Variants in DACH1 observed in about 807,000 individuals in gnomAD.
DACH1 encodes dachshund family transcription factor 1.
In DACH1, 12 loss-of-function variants were observed where a neutral mutation model predicts 54.2. The observed-to-expected ratio is 0.22, with a 90% confidence interval of 0.14 to 0.36. The LOEUF (loss-of-function observed/expected upper bound fraction) is 0.36. Among genes scored for constraint, DACH1 ranks in the 10% least tolerant of loss-of-function variants. DACH1 has a pLI of 1.00. For synonymous variants in DACH1, 386 were observed against 366.2 expected, an observed-to-expected ratio of 1.05 and a Z score of -0.62; for missense variants, 805 against 929.8, an observed-to-expected ratio of 0.87 and a Z score of 1.75.
At chr13:71,480,377 G>T (rs1348874974) in intron 7 of DACH1, among the ~76,000 whole-genome samples, 1 of 152,048 alleles carries the variant, frequency 6.6e-6, no homozygotes, top group Non-Finnish European at 1.5e-5. Flanking sequence ...ACAACTAATG[G>T]TGAATATATA....
chr13:71,773,396 A>G (rs1885939116), intron 1 of DACH1, among the ~76,000 whole-genome samples: 1 of 151,946 alleles, frequency 6.6e-6, no homozygotes, highest in Non-Finnish European at 1.5e-5. Context: ...TAAGTTTTAT[A>G]TTGTCTTTAG....
chr13:71,713,648 C>T (rs1022626211), intron 1 of DACH1, among the ~76,000 whole-genome samples: 1 of 152,076 alleles, frequency 6.6e-6, no homozygotes, highest in Non-Finnish European at 1.5e-5. Context: ...GGTATGAAGA[C>T]ATAATTGATT....
intron 1 of DACH1, among the ~76,000 whole-genome samples, chr13:71,696,692 C>T (rs2138738285): frequency 6.6e-6 from 1 of 152,076 alleles, no homozygotes; most frequent in South Asian, 2.1e-4. Flanking sequence ...GGATTACAGG[C>T]ATGCACCACC....
chr13:71,447,569 C>G (rs997237946), intron 10 of DACH1, among the ~76,000 whole-genome samples: 3 of 152,082 alleles, frequency 2.0e-5, no homozygotes, highest in Non-Finnish European at 4.4e-5. Context: ...CGCAGTGGCT[C>G]ACACCCGTAA....
At chr13:71,657,225 G>A (rs1311707680) in intron 2 of DACH1, among the ~76,000 whole-genome samples, 2 of 151,658 alleles carry the variant, frequency 1.3e-5, no homozygotes, top group Admixed American at 6.6e-5. Flanking sequence ...CTCCTAGTAT[G>A]GTGCATTGTA....
intron 1 of DACH1, among the ~76,000 whole-genome samples, chr13:71,823,723 AC>A (rs771574179): frequency 8.5e-5 from 13 of 152,178 alleles, no homozygotes; most frequent in East Asian, 1.9e-4. Context: ...TTGAAAAAAA[AC>A]AAACCAAAAT....
At chr13:71,864,626 G>C (rs1015842220) in intron 1 of DACH1, among the ~76,000 whole-genome samples, 1 of 152,070 alleles carries the variant, frequency 6.6e-6, no homozygotes, top group African/African-American at 2.4e-5. Context: ...CTTTCTCCCG[G>C]AATCTCACTC....
intron 1 of DACH1, among the ~76,000 whole-genome samples, chr13:71,696,712 T>G (rs1374641284): frequency 6.6e-6 from 1 of 151,954 alleles, no homozygotes; most frequent in Non-Finnish European, 1.5e-5. Context: ...CACACCCGAC[T>G]AATTTTGTGT....
chr13:71,487,170 A>G (rs949032767), intron 7 of DACH1, among the ~76,000 whole-genome samples: 1 of 152,114 alleles, frequency 6.6e-6, no homozygotes, highest in Non-Finnish European at 1.5e-5. Context: ...TTTTTAATAA[A>G]GCATTCTTAT....
rs546461119 is a variant in DACH1, at chr13:71,582,103, A to T, written c.1127-9091T>A. On this transcript the variant is annotated intron_variant, in intron 3 of 10. Coordinates refer to ENST00000613252, the MANE Select transcript of DACH1 (RefSeq NM_080759.6). ...GAAAGAATAAAGGTATTGCTACCAA[A>T]AGTGTATTTCTACTATAAACCATAG... Among the ~76,000 whole-genome samples the T allele has an allele frequency of 1.2e-4, 18 of 152,292 alleles. No homozygotes were observed. The East Asian group carries it at 2.9e-3, about 24-fold the overall frequency.
At chr13:71,682,865 A>G (rs896664464) in intron 1 of DACH1, among the ~76,000 whole-genome samples, 1 of 152,178 alleles carries the variant, frequency 6.6e-6, no homozygotes, top group South Asian at 2.1e-4. Context: ...TAATATTACA[A>G]TTTTTGAAAA....
intron 10 of DACH1, among the ~76,000 whole-genome samples, chr13:71,445,068 TC>T (rs985156803): frequency 5.6e-4 from 85 of 152,122 alleles, no homozygotes; most frequent in African/African-American, 2.0e-3. Context: ...AAAGTGAGCC[TC>T]CCCCACGATA....
chr13:71,756,162 C>T (rs1885141624), intron 1 of DACH1, among the ~76,000 whole-genome samples: 1 of 152,022 alleles, frequency 6.6e-6, no homozygotes, highest in East Asian at 1.9e-4. Context: ...TCCCGAGTAC[C>T]TGGGACTACA....
chr13:71,649,402 A>G (rs1385514974), intron 2 of DACH1, among the ~76,000 whole-genome samples: 3 of 152,188 alleles, frequency 2.0e-5, no homozygotes, highest in Non-Finnish European at 4.4e-5. Flanking sequence ...ATTTGGATCT[A>G]CAGCTTACTA....
chr13:71,617,565 A>G (rs1370134596), intron 3 of DACH1, among the ~76,000 whole-genome samples: 1 of 152,204 alleles, frequency 6.6e-6, no homozygotes. Flanking sequence ...GGCTGAACAT[A>G]CTTTGAAATA....
intron 1 of DACH1, among the ~76,000 whole-genome samples, chr13:71,736,381 G>A (rs967394370): frequency 1.3e-5 from 2 of 152,048 alleles, no homozygotes; most frequent in African/African-American, 4.8e-5. Context: ...CAAAGGCCTT[G>A]AACATATGGG....
intron 1 of DACH1, among the ~76,000 whole-genome samples, chr13:71,693,233 A>G (rs1248077686): frequency 1.3e-5 from 2 of 151,720 alleles, no homozygotes; most frequent in African/African-American, 4.8e-5. Flanking sequence ...AAGTAAGTCC[A>G]CATACACACA....
intron 2 of DACH1, among the ~76,000 whole-genome samples, chr13:71,641,481 T>G (rs567376923): frequency 6.6e-6 from 1 of 152,224 alleles, no homozygotes; most frequent in Admixed American, 6.5e-5. Flanking sequence ...ACCTACAAGG[T>G]AAGTGTTTTC....
At chr13:71,665,755 T>A (rs1350157529) in intron 2 of DACH1, among the ~76,000 whole-genome samples, 1 of 152,112 alleles carries the variant, frequency 6.6e-6, no homozygotes, top group African/African-American at 2.4e-5. Context: ...CTGATCAAAA[T>A]ATGAATGTTA....
Sources: gnomAD v4.1 joint callset for allele counts (sites outside exome capture counted in the v4.1 genomes callset) on GRCh38, gnomAD v4.1.1 for gene constraint, MANE v1.5 for transcripts, NCBI Gene and HGNC (gene_info 2026-07-23, HGNC 2026-07-21) for gene names.